Variants in PPFIA2 observed in about 807,000 individuals in gnomAD.
PPFIA2 encodes liprin-alpha-2.
In PPFIA2, 46 loss-of-function variants were observed where a neutral mutation model predicts 175.5. The observed-to-expected ratio is 0.26, with a 90% CI of 0.21 to 0.34. The LOEUF (loss-of-function observed/expected upper bound fraction) is 0.34, where lower values mean the gene tolerates loss of function less well. Ranked by LOEUF, PPFIA2 falls within the 10% of genes least tolerant of loss-of-function variation. The pLI is 1.00. For missense variants in PPFIA2, 1,179 were observed against 1,506.1 expected, an observed-to-expected ratio of 0.78 and a Z score of 3.60; for synonymous variants, 568 against 511.4, an observed-to-expected ratio of 1.11 and a Z score of -1.49.
At chr12:81,367,252 C>T (rs1039419593) in intron 13 of PPFIA2, 82 bp from the exon 14 acceptor site, 13 of 897,986 alleles carry the variant, frequency 1.4e-5, no homozygotes, top group Non-Finnish European at 5.9e-6. Context: ...TCTTATCACT[C>T]AAGAATCCTC....
intron 23 of PPFIA2, chr12:81,297,997 C>T (rs2046907252): frequency 6.6e-6 from 1 of 152,196 alleles, no homozygotes; most frequent in Non-Finnish European, 1.5e-5. Context: ...GCACAAACTT[C>T]ACTGTCTGTC....
intron 4 of PPFIA2, among the ~76,000 whole-genome samples, chr12:81,489,072 A>G (rs778341063): frequency 6.6e-6 from 1 of 151,852 alleles, no homozygotes; most frequent in African/African-American, 2.4e-5. Context: ...CATATTCTCA[A>G]TATGTGCTGA....
chr12:81,573,823 T>C (rs1402824757), intron 4 of PPFIA2, among the ~76,000 whole-genome samples: 1 of 151,898 alleles, frequency 6.6e-6, no homozygotes, highest in Non-Finnish European at 1.5e-5. Flanking sequence ...TTTATTGTGG[T>C]TAAAGAAGCT....
chr12:81,322,285 T>C (rs1191918216), intron 22 of PPFIA2, among the ~76,000 whole-genome samples: 4 of 152,176 alleles, frequency 2.6e-5, no homozygotes, highest in Non-Finnish European at 5.9e-5. Context: ...CTGGTTGTTC[T>C]AAACGTAATA....
chr12:81,551,766 T>A (rs1054962181), intron 4 of PPFIA2, among the ~76,000 whole-genome samples: 1 of 151,984 alleles, frequency 6.6e-6, no homozygotes, highest in African/African-American at 2.4e-5. Flanking sequence ...ATATAAAGTC[T>A]TTTCAAATAA....
At chr12:81,635,924 A>T (rs61933792) in intron 4 of PPFIA2, among the ~76,000 whole-genome samples, 40,836 of 150,368 alleles carry the variant, frequency 0.27, 6,924 homozygotes, top group Non-Finnish European at 0.38. Flanking sequence ...TCTCTCTCAC[A>T]CACACACACA....
intron 9 of PPFIA2, among the ~76,000 whole-genome samples, chr12:81,378,976 C>T (rs990980391): frequency 1.3e-5 from 2 of 152,006 alleles, no homozygotes; most frequent in Non-Finnish European, 2.9e-5. Flanking sequence ...AAAACACCCT[C>T]GATAAATAAT....
intron 4 of PPFIA2, among the ~76,000 whole-genome samples, chr12:81,668,730 G>A (rs1036940574): frequency 2.5e-4 from 38 of 151,960 alleles, no homozygotes; most frequent in Non-Finnish European, 5.3e-4. Flanking sequence ...GACTGATGCT[G>A]CCATTATTAC....
At chr12:81,647,629 C>T (rs548061099) in intron 4 of PPFIA2, among the ~76,000 whole-genome samples, 4 of 150,824 alleles carry the variant, frequency 2.7e-5, no homozygotes, top group South Asian at 2.1e-4. Context: ...GGCGTGGTGG[C>T]GGGTGCTTGT....
At chr12:81,283,910 GGT>G (rs1415938904) in intron 25 of PPFIA2, among the ~76,000 whole-genome samples, 3 of 151,794 alleles carry the variant, frequency 2.0e-5, no homozygotes, top group Non-Finnish European at 4.4e-5. Flanking sequence ...AATTTAATTT[GGT>G]TTAGAAACAT....
intron 7 of PPFIA2, among the ~76,000 whole-genome samples, chr12:81,410,561 T>C (rs1287003840): frequency 6.6e-6 from 1 of 152,068 alleles, no homozygotes; most frequent in Non-Finnish European, 1.5e-5. Flanking sequence ...TTCACAACTG[T>C]TTTTAATGTT....
At chr12:81,630,359 C>T (rs1395371387) in intron 4 of PPFIA2, among the ~76,000 whole-genome samples, 1 of 152,176 alleles carries the variant, frequency 6.6e-6, no homozygotes, top group Admixed American at 6.5e-5. Flanking sequence ...GTGCATCAGA[C>T]TTGCCAGGCC....
chr12:81,618,827 C>T (rs1004500997), intron 4 of PPFIA2, among the ~76,000 whole-genome samples: 3 of 149,722 alleles, frequency 2.0e-5, no homozygotes, highest in South Asian at 2.1e-4. Context: ...CCACCGCGCC[C>T]GGCCCATGGC....
At chr12:81,279,487 C>A (rs1041049665) in intron 27 of PPFIA2, among the ~76,000 whole-genome samples, 2 of 151,892 alleles carry the variant, frequency 1.3e-5, no homozygotes, top group Non-Finnish European at 2.9e-5. Flanking sequence ...ATATAGAATA[C>A]AAAATTATAC....
At chr12:81,465,527 C>G (rs182035050) in intron 4 of PPFIA2, among the ~76,000 whole-genome samples, 1 of 152,124 alleles carries the variant, frequency 6.6e-6, no homozygotes, top group Non-Finnish European at 1.5e-5. Flanking sequence ...CTTCCTTAGT[C>G]TAGGCCCCTC....
intron 8 of PPFIA2, among the ~76,000 whole-genome samples, chr12:81,390,802 AT>A (rs887963125): frequency 7.3e-5 from 11 of 149,992 alleles, no homozygotes; most frequent in Middle Eastern, 3.4e-3. Context: ...CCAGTTTATC[AT>A]TTTTTTTTCT....
At chr12:81,584,261 A>G (rs1352901146) in intron 4 of PPFIA2, among the ~76,000 whole-genome samples, 5 of 152,082 alleles carry the variant, frequency 3.3e-5, no homozygotes, top group African/African-American at 1.2e-4. Flanking sequence ...GTTAAAACAA[A>G]TAATGTAGTC....
intron 22 of PPFIA2, among the ~76,000 whole-genome samples, chr12:81,300,458 A>G (rs1004660780): frequency 2.0e-5 from 3 of 152,168 alleles, no homozygotes; most frequent in Non-Finnish European, 2.9e-5. Context: ...ATATTAATAC[A>G]TTAAGATATA....
rs34576372 is a variant in PPFIA2 at position 81,334,489 on chromosome 12, CAAA to C, written c.2548+4688_2548+4690del. ...TTATCTATGTCTTCTCTCCCTCCACCAAAAAAAAAAAAAAATAAATCTCCTCAA... is the reference window on the plus strand; with the variant it reads ...TTATCTATGTCTTCTCTCCCTCCACCAAAAAAAAAAAATAAATCTCCTCAA... On this transcript the variant is annotated intron_variant, in intron 21 of 32. Coordinates refer to ENST00000549396, the MANE Select transcript of PPFIA2 (RefSeq NM_003625.5). Among the ~76,000 whole-genome samples, 543 of 145,864 alleles carry C rather than the reference CAAA, an allele frequency of 3.7e-3. 5 individuals are homozygous for C. Among genetic ancestry groups the C allele is most frequent in the Middle Eastern group, 0.022 (6 of 274 alleles).
Sources: allele counts gnomAD v4.1 joint callset (sites outside exome capture counted in the v4.1 genomes callset), GRCh38; gene constraint gnomAD v4.1.1; transcripts MANE v1.5; gene names NCBI Gene and HGNC (gene_info 2026-07-23, HGNC 2026-07-21).